FNDC1: variants seen among roughly 807,000 people sequenced by gnomAD.
FNDC1 encodes the protein fibronectin type III domain containing 1, also known as fibronectin type III domain-containing protein 1.
FNDC1 carries 96 observed loss-of-function variants against 168.0 expected under a neutral mutation model. The ratio of observed to expected loss-of-function variants is 0.57; its 90% CI spans 0.48 to 0.68. The LOEUF is 0.68. Ranked by LOEUF, FNDC1 falls within the 30% of genes least tolerant of loss-of-function variation. The probability of loss-of-function intolerance (pLI) is 0.00; values close to 1 mark genes in which losing one functional copy is unlikely to be tolerated. For missense variants in FNDC1, 2,587 were observed against 2,482.1 expected, an observed-to-expected ratio of 1.04 and a Z score of -0.90; for synonymous variants, 1,099 against 1,025.9, an observed-to-expected ratio of 1.07 and a Z score of -1.36.
intron 2 of FNDC1, 92 bp from the exon 3 acceptor site, chr6:159,199,904 T>A: frequency 9.5e-7 from 1 of 1,047,940 alleles, no homozygotes; most frequent in Non-Finnish European, 1.5e-6. Context: ...TTATAACTGG[T>A]ATAAGGAAGA....
At chr6:159,201,548 C>T (rs528051369) in intron 4 of FNDC1, among the ~76,000 whole-genome samples, 19 of 152,086 alleles carry the variant, frequency 1.2e-4, no homozygotes, top group Non-Finnish European at 1.9e-4. Context: ...GAAGTAAGAA[C>T]GAGACATGGA....
intron 5 of FNDC1, among the ~76,000 whole-genome samples, chr6:159,217,362 G>T (rs1236726062): frequency 1.3e-5 from 2 of 152,222 alleles, no homozygotes; most frequent in Non-Finnish European, 1.5e-5. Flanking sequence ...TCTGAGGAAG[G>T]CACAGCCATG....
chr6:159,211,851 T>C (rs1562638881), intron 4 of FNDC1, among the ~76,000 whole-genome samples: 1 of 152,238 alleles, frequency 6.6e-6, no homozygotes, highest in African/African-American at 2.4e-5. Context: ...CTGTAATAGA[T>C]TCGATTCAGA....
intron 9 of FNDC1, among the ~76,000 whole-genome samples, chr6:159,228,462 A>C (rs1353500925): frequency 6.6e-6 from 1 of 152,228 alleles, no homozygotes; most frequent in Non-Finnish European, 1.5e-5. Flanking sequence ...TGACCACCAC[A>C]AATGACAAGT....
chr6:159,230,109 A>G, intron 10 of FNDC1, 106 bp downstream of exon 10: 1 of 993,110 alleles, frequency 1.0e-6, no homozygotes, highest in South Asian at 2.9e-5. Context: ...TCAGCAGATG[A>G]TTTTTCCAGG....
At position 159,233,433 on chromosome 6, in the gene FNDC1, G is replaced by T. The variant is rs746040584; in HGVS notation, c.2921G>T (p.Arg974Leu). 6.2e-7 allele frequency: 1 copy of T among 1,610,408 alleles called. No individual in the cohort carries two copies. Among genetic ancestry groups the T allele is most frequent in the Non-Finnish European group, 8.5e-7 (1 of 1,179,126 alleles). The change falls in exon 11 of 23, where the codon CGC becomes CTC. Residue 974 changes from arginine (R) to leucine (L), a missense_variant. Transcript: ENST00000297267. The surrounding 1 kb of genome is among the most constrained non-coding windows in gnomAD (Gnocchi z 4.6). ...SPKAQPGSTD[R>L]HASPARPPAA... Reference sequence around the variant, plus strand: ...AAAGCACAGCCAGGGTCCACAGACCGCCACGCGTCCCCTGCTCGTCCGCCC... The same window carrying T: ...AAAGCACAGCCAGGGTCCACAGACCTCCACGCGTCCCCTGCTCGTCCGCCC...
chr6:159,183,030 C>T (rs1057157257), intron 1 of FNDC1, among the ~76,000 whole-genome samples: 4 of 152,182 alleles, frequency 2.6e-5, no homozygotes, highest in African/African-American at 9.7e-5. Flanking sequence ...CATTTTGTAC[C>T]AGGTTGTGAT....
chr6:159,227,226 C>T (rs1386511675), intron 9 of FNDC1, among the ~76,000 whole-genome samples: 1 of 152,098 alleles, frequency 6.6e-6, no homozygotes, highest in Non-Finnish European at 1.5e-5. Context: ...CGTTTAAGAA[C>T]CTCTCAGAAT....
At position 159,249,120 on chromosome 6, in the gene FNDC1, A is replaced by T; in HGVS notation, c.4772A>T (p.Glu1591Val). ...TATTPRVIPEEGAISSFPEEE... is the reference protein window; with the variant it reads ...TATTPRVIPEVGAISSFPEEE... ...ACCACACCGAGGGTGATCCCAGAGG[A>T]AGGCGCCATCAGTTCCTTTCCTGAA... The change falls in exon 16 of 23, where the codon GAA (glutamate) becomes GTA (valine). Residue 1591 changes from glutamate to valine, a missense_variant. Glu to Val is a moderately radical substitution (Grantham distance 121). Transcript: ENST00000297267. The T allele has an allele frequency of 6.2e-7, 1 of 1,610,466 alleles. No homozygotes were observed. The highest frequency in any genetic ancestry group is 8.5e-7 in the Non-Finnish European group (1 of 1,178,310).
chr6:159,182,181 G>A (rs980544212), intron 1 of FNDC1, among the ~76,000 whole-genome samples: 1 of 152,184 alleles, frequency 6.6e-6, no homozygotes, highest in Non-Finnish European at 1.5e-5. Flanking sequence ...GAGGTTCAGG[G>A]TACAAACACT....
chr6:159,266,356 CTA>C, intron 21 of FNDC1, 111 bp downstream of exon 21: 6 of 1,112,528 alleles, frequency 5.4e-6, no homozygotes, highest in Non-Finnish European at 8.0e-6. Flanking sequence ...GGAGCTACGA[CTA>C]TGGCTCACTC....
At chr6:159,215,984 C>T (rs442297) in intron 5 of FNDC1, among the ~76,000 whole-genome samples, 73,170 of 151,274 alleles carry the variant, frequency 0.48, 20,105 homozygotes, top group African/African-American at 0.75. Flanking sequence ...TTTTTTGAGA[C>T]GAAGTCTTGC....
intron 7 of FNDC1, among the ~76,000 whole-genome samples, chr6:159,225,234 T>C (rs1457865275): frequency 6.6e-6 from 1 of 151,922 alleles, no homozygotes; most frequent in Non-Finnish European, 1.5e-5. Context: ...CCTGATAAAG[T>C]AGTTGCCTCA....
At chr6:159,250,548 TAGAA>T (rs1777231282) in intron 16 of FNDC1, among the ~76,000 whole-genome samples, 1 of 152,130 alleles carries the variant, frequency 6.6e-6, no homozygotes, top group Admixed American at 6.6e-5. Context: ...TGGGATATAA[TAGAA>T]AGAGTTAAGG....
chr6:159,195,295 A>G (rs1782221133), intron 1 of FNDC1, among the ~76,000 whole-genome samples: 1 of 151,438 alleles, frequency 6.6e-6, no homozygotes, highest in South Asian at 2.1e-4. Context: ...TCACTCACTT[A>G]TTCCATTCCT....
At chr6:159,226,316 C>T (rs1308007913) in intron 8 of FNDC1, among the ~76,000 whole-genome samples, 157 bp from the exon 9 acceptor site, 1 of 152,074 alleles carries the variant, frequency 6.6e-6, no homozygotes, top group Non-Finnish European at 1.5e-5. Flanking sequence ...CACTATATTA[C>T]ACAAAGAACC....
intron 1 of FNDC1, among the ~76,000 whole-genome samples, chr6:159,188,306 G>C (rs1782045690): frequency 6.6e-6 from 1 of 152,036 alleles, no homozygotes; most frequent in Non-Finnish European, 1.5e-5. Context: ...GGCTGGGTGG[G>C]CTGCTGTGAA....
intron 6 of FNDC1, among the ~76,000 whole-genome samples, chr6:159,223,044 G>A (rs1359835440): frequency 7.0e-6 from 1 of 143,288 alleles, no homozygotes; most frequent in Non-Finnish European, 1.5e-5. Flanking sequence ...TGCCCAGGCT[G>A]GAGTGCAGTG....
intron 16 of FNDC1, 75 bp from the exon 17 acceptor site, chr6:159,251,227 G>A (rs778523955): frequency 1.8e-6 from 2 of 1,134,490 alleles, no homozygotes; most frequent in South Asian, 2.8e-5. Context: ...GTCTGACTCT[G>A]TGGAACAGAT....
Sources: allele counts gnomAD v4.1 joint callset (sites outside exome capture counted in the v4.1 genomes callset), GRCh38; gene constraint gnomAD v4.1.1; non-coding constraint Gnocchi (gnomAD v3.1); transcripts MANE v1.5; gene names NCBI Gene and HGNC (gene_info 2026-07-23, HGNC 2026-07-21).